The following CYP39A1 variants were observed in gnomAD, a reference collection of about 807,000 sequenced individuals.
CYP39A1 encodes the protein cytochrome P450 family 39 subfamily A member 1.
A neutral mutation model predicts 58.1 loss-of-function variants in CYP39A1; 49 were observed. The observed-to-expected ratio is 0.84, with a 90% CI of 0.67 to 1.07. CYP39A1 has a LOEUF of 1.07. CYP39A1 is among the 50% of genes least tolerant of loss of function. The probability of loss-of-function intolerance (pLI) is 0.00; values close to 1 mark genes in which losing one functional copy is unlikely to be tolerated. For synonymous variants in CYP39A1, 209 were observed against 187.6 expected (o/e 1.11, Z -0.93); for missense variants, 531 against 539.4 (o/e 0.98, Z 0.16).
At chr6:46,572,988 C>G (rs1771674093) in intron 10 of CYP39A1, among the ~76,000 whole-genome samples, 1 of 151,838 alleles carries the variant, frequency 6.6e-6, no homozygotes, top group African/African-American at 2.4e-5. Flanking sequence ...TTTTTCAGCT[C>G]CAGGATTTAT....
intron 7 of CYP39A1, among the ~76,000 whole-genome samples, chr6:46,603,856 C>T (rs1773665666): frequency 6.6e-6 from 1 of 152,182 alleles, no homozygotes; most frequent in South Asian, 2.1e-4. Context: ...TACTGGTTTG[C>T]TCCTCATTGT....
chr6:46,650,328 G>T (rs748374041), intron 1 of CYP39A1, among the ~76,000 whole-genome samples: 29 of 151,468 alleles, frequency 1.9e-4, no homozygotes, highest in Admixed American at 1.2e-3. Flanking sequence ...CTGCATGAAG[G>T]TTGAGGTTTG....
chr6:46,573,432 T>A (rs1284103543), intron 10 of CYP39A1, among the ~76,000 whole-genome samples: 4 of 152,128 alleles, frequency 2.6e-5, no homozygotes, highest in African/African-American at 9.7e-5. Context: ...AGGTTGTAGA[T>A]GTATTTGAAG....
chr6:46,583,033 A>G (rs1338472699), intron 10 of CYP39A1: 2 of 982,930 alleles, frequency 2.0e-6, no homozygotes, highest in East Asian at 1.1e-4. Context: ...TTCATTAGGA[A>G]CTCAAGACAA....
rs111809569 is a variant in CYP39A1 at position 46,581,858 on chromosome 6, G to A, written c.1250+5219C>T. 3.2e-3 allele frequency among the ~76,000 whole-genome samples: 485 copies of A among 152,300 alleles called. 3 individuals carry two copies. The highest frequency in any genetic ancestry group is 0.019 in the South Asian group (90 of 4,824). Reference sequence around the variant, plus strand: ...CTGTTCTTGACATACTTATGTCTTAGCTTCATAATGAAGTATCAAAATGAA... The same window carrying A: ...CTGTTCTTGACATACTTATGTCTTAACTTCATAATGAAGTATCAAAATGAA... On this transcript the variant is annotated intron_variant, in intron 10 of 11. Transcript: ENST00000275016.
At position 46,629,898 on chromosome 6, in the gene CYP39A1, T is replaced by C. The variant is rs183534397; in HGVS notation, c.840+1065A>G. 4.4e-3 allele frequency among the ~76,000 whole-genome samples: 670 copies of C among 151,616 alleles called. 11 individuals are homozygous for C. Among genetic ancestry groups the C allele is most frequent in the African/African-American group, 0.015 (630 of 41,040 alleles). On this transcript the variant is annotated intron_variant, in intron 6 of 11. Coordinates refer to ENST00000275016, the MANE Select transcript of CYP39A1 (RefSeq NM_016593.5). ...CACTGAACATGACGTGACAGACAAA[T>C]CTCATGGCTCTAATCTAATGCAAGA... is the stretch of plus-strand genomic sequence containing the variant.
intron 1 of CYP39A1, among the ~76,000 whole-genome samples, chr6:46,649,732 G>A (rs575069364): frequency 3.0e-4 from 46 of 152,182 alleles, no homozygotes; most frequent in African/African-American, 9.6e-4. Context: ...TGGGAGTGAG[G>A]AGTGAGAACT....
chr6:46,617,141 T>C (rs1774658341), intron 7 of CYP39A1, among the ~76,000 whole-genome samples: 2 of 152,152 alleles, frequency 1.3e-5, no homozygotes, highest in Admixed American at 1.3e-4. Flanking sequence ...GTAATTCTAT[T>C]GTCTTGGCAG....
At chr6:46,582,182 A>T (rs895935170) in intron 10 of CYP39A1, among the ~76,000 whole-genome samples, 4 of 152,210 alleles carry the variant, frequency 2.6e-5, no homozygotes, top group Admixed American at 6.5e-5. Context: ...GAGGGGATGC[A>T]TTTGTTTATG....
intron 10 of CYP39A1, among the ~76,000 whole-genome samples, chr6:46,566,319 C>A (rs1334662975): frequency 6.6e-6 from 1 of 152,088 alleles, no homozygotes; most frequent in Non-Finnish European, 1.5e-5. Flanking sequence ...CAAGACTGGA[C>A]AATCTATAAA....
At position 46,636,450 on chromosome 6, in the gene CYP39A1, T is replaced by C. The variant is rs1775995727; in HGVS notation, c.671A>G (p.Glu224Gly). The C allele has an allele frequency of 6.2e-7, 1 of 1,609,204 alleles. No individual in the cohort carries two copies. Among genetic ancestry groups the C allele is most frequent in the African/African-American group, 1.3e-5 (1 of 74,752 alleles). ...NWSKSKKWFLELFEKNIPDIK... is the reference protein window; with the variant it reads ...NWSKSKKWFLGLFEKNIPDIK... ...ATCTGGAATGTTTTTCTCAAACAGT[T>C]CCAGGAACCACTTTTTGGATTTTGA... The change falls in exon 5 of 12, where the codon GAA becomes GGA. Residue 224 changes from glutamate (E) to glycine (G), a missense_variant. Glu to Gly is a moderately conservative substitution (Grantham distance 98). Coordinates refer to ENST00000275016, the MANE Select transcript of CYP39A1 (RefSeq NM_016593.5).
intron 10 of CYP39A1, chr6:46,583,100 C>T (rs1368221333): frequency 6.1e-6 from 6 of 985,326 alleles, no homozygotes; most frequent in Non-Finnish European, 6.0e-6. Context: ...CAAACATACA[C>T]AAAAAGTAAA....
At chr6:46,637,739 T>C (rs1776075612) in intron 4 of CYP39A1, 90 bp downstream of exon 4, 1 of 1,387,088 alleles carries the variant, frequency 7.2e-7, no homozygotes, top group Non-Finnish European at 9.9e-7. Flanking sequence ...CTTAAACTGC[T>C]GTTACATCTA....
chr6:46,596,014 T>G lies in CYP39A1; in HGVS notation c.1038A>C (p.Arg346Ser). The G allele has an allele frequency of 6.2e-7, 1 of 1,611,016 alleles. No homozygotes were observed. The highest frequency in any genetic ancestry group is 8.5e-7 in the Non-Finnish European group (1 of 1,178,712). ...IRLKAPGVITRKVVKPVEILN... is the reference protein window; with the variant it reads ...IRLKAPGVITSKVVKPVEILN... ...AAATTTCCACAGGCTTCACCACTTT[T>G]CTAGTAATGACACCAGGAGCTTTTA... The change falls in exon 8 of 12, where the codon AGA (arginine) becomes AGC (serine). Residue 346 changes from arginine to serine, a missense_variant. Coordinates refer to ENST00000275016, the MANE Select transcript of CYP39A1 (RefSeq NM_016593.5).
At chr6:46,596,200 T>A in intron 7 of CYP39A1, 80 bp from the exon 8 acceptor site, 2 of 1,088,400 alleles carry the variant, frequency 1.8e-6, no homozygotes, top group Non-Finnish European at 2.6e-6. Context: ...CAGCAGAGGT[T>A]AGATGTTGCC....
At chr6:46,564,636 G>C (rs1194146188) in intron 10 of CYP39A1, among the ~76,000 whole-genome samples, 1 of 152,130 alleles carries the variant, frequency 6.6e-6, no homozygotes, top group African/African-American at 2.4e-5. Flanking sequence ...GCTAGTATTG[G>C]GGAAAATTGA....
intron 10 of CYP39A1, among the ~76,000 whole-genome samples, chr6:46,564,774 C>T (rs1278155994): frequency 6.6e-6 from 1 of 152,146 alleles, no homozygotes; most frequent in African/African-American, 2.4e-5. Context: ...AAAGCTATCA[C>T]TGTTGCCAGG....
At position 46,612,667 on chromosome 6, in the gene CYP39A1, A is replaced by G. The variant is rs78494191; in HGVS notation, c.931+12751T>C. ...CCCGAATCTCTGTGTTAGGTTCATA[A>G]TGTCAGGCTACTGGTGGGAATGGAG... is the stretch of plus-strand genomic sequence containing the variant. On this transcript the variant is annotated intron_variant, in intron 7 of 11. Transcript: ENST00000275016. Among the ~76,000 whole-genome samples, 305 of 152,330 alleles carry G rather than the reference A, an allele frequency of 2.0e-3. 2 individuals are homozygous for G. The highest frequency in any genetic ancestry group is 7.2e-3 in the African/African-American group (299 of 41,576).
At chr6:46,586,120 G>T (rs906161540) in intron 10 of CYP39A1, 5 of 554,828 alleles carry the variant, frequency 9.0e-6, no homozygotes, top group Non-Finnish European at 1.1e-5. Flanking sequence ...ACTATTTTAG[G>T]GGAAGCGTAA....
Sources: gnomAD v4.1 joint callset for allele counts (sites outside exome capture counted in the v4.1 genomes callset) on GRCh38, gnomAD v4.1.1 for gene constraint, MANE v1.5 for transcripts, NCBI Gene and HGNC (gene_info 2026-07-23, HGNC 2026-07-21) for gene names.